The following GPC5 variants were observed in gnomAD, a reference collection of about 807,000 sequenced individuals.
GPC5 encodes the protein glypican-5.
Under a neutral mutation model 53.9 loss-of-function variants are expected in GPC5, and 47 were observed. The ratio of observed to expected loss-of-function variants is 0.87; its 90% CI spans 0.69 to 1.11. GPC5 has a LOEUF of 1.11. GPC5 is among the 50% of genes most tolerant of loss of function. The pLI, the probability that GPC5 is intolerant of heterozygous loss-of-function variation, is 0.00. For synonymous variants in GPC5, 286 were observed against 263.3 expected, an observed-to-expected ratio of 1.09 and a Z score of -0.84; for missense variants, 748 against 713.1, an observed-to-expected ratio of 1.05 and a Z score of -0.56.
At chr13:92,671,631 C>A (rs1243276408) in intron 7 of GPC5, among the ~76,000 whole-genome samples, 2 of 152,038 alleles carry the variant, frequency 1.3e-5, no homozygotes, top group Admixed American at 6.6e-5. Context: ...CTTAAATGGG[C>A]AGAATTCAGA....
chr13:92,385,758 T>TATATACATATACGTATATATATAC (rs1344582956), intron 7 of GPC5, among the ~76,000 whole-genome samples: 4 of 95,152 alleles, frequency 4.2e-5, no homozygotes, highest in African/African-American at 1.7e-4. Flanking sequence ...TACACGTGTA[T>TATATACATATACGTATATATATAC]ATATATACGT....
At chr13:91,677,022 T>C (rs1460845084) in intron 2 of GPC5, among the ~76,000 whole-genome samples, 3 of 152,138 alleles carry the variant, frequency 2.0e-5, no homozygotes, top group African/African-American at 7.2e-5. Context: ...TACATTCAAA[T>C]TGAAAATAGA....
chr13:92,619,783 G>T (rs549194007), intron 7 of GPC5, among the ~76,000 whole-genome samples: 4 of 151,936 alleles, frequency 2.6e-5, no homozygotes, highest in Non-Finnish European at 5.9e-5. Context: ...AAAACAACAA[G>T]AATTTTTTTT....
intron 6 of GPC5, among the ~76,000 whole-genome samples, chr13:92,104,075 T>A (rs1448305071): frequency 6.6e-6 from 1 of 152,150 alleles, no homozygotes; most frequent in East Asian, 1.9e-4. Context: ...TTGAGAGAGC[T>A]ATAAATCAGG....
chr13:91,708,284 G>A (rs565290399), intron 3 of GPC5, among the ~76,000 whole-genome samples: 1 of 149,296 alleles, frequency 6.7e-6, no homozygotes, highest in African/African-American at 2.5e-5. Flanking sequence ...TTTTTTTTTT[G>A]TTTTTCCCCT....
intron 2 of GPC5, among the ~76,000 whole-genome samples, chr13:91,507,405 G>A (rs1449072316): frequency 6.6e-6 from 1 of 152,104 alleles, no homozygotes; most frequent in Non-Finnish European, 1.5e-5. Flanking sequence ...CACATGGCTG[G>A]GGAGGCCTAA....
At chr13:91,490,022 C>T (rs1430681380) in intron 2 of GPC5, among the ~76,000 whole-genome samples, 1 of 152,056 alleles carries the variant, frequency 6.6e-6, no homozygotes, top group South Asian at 2.1e-4. Context: ...TTTTGTATAC[C>T]CACTTGTTCT....
intron 7 of GPC5, among the ~76,000 whole-genome samples, chr13:92,147,969 T>A (rs4773668): frequency 2.6e-5 from 4 of 151,802 alleles, no homozygotes; most frequent in Admixed American, 2.6e-4. Context: ...ATGGTCTTAA[T>A]GACTTCAAAA....
Position 92,317,063 on chromosome 13 carries a change from A to C in GPC5, c.1561+172074A>C, listed in dbSNP as rs377235382. On this transcript the variant is annotated intron_variant, in intron 7 of 7. Transcript: ENST00000377067. ...CATACTACAAGCAATTATATTCATA[A>C]ATTCTCATATTTCTAAATGTTAGAT... 6.7e-4 allele frequency among the ~76,000 whole-genome samples: 102 copies of C among 152,304 alleles called. 4 individuals are homozygous for C. In the South Asian group the frequency reaches 0.021, roughly 31 times the overall value.
chr13:92,643,368 C>G (rs1441755989), intron 7 of GPC5, among the ~76,000 whole-genome samples: 1 of 151,930 alleles, frequency 6.6e-6, no homozygotes, highest in Non-Finnish European at 1.5e-5. Context: ...CCAGCCATCC[C>G]ATTACTGGGT....
At chr13:91,695,050 G>T (rs1279200788) in intron 3 of GPC5, among the ~76,000 whole-genome samples, 3 of 152,056 alleles carry the variant, frequency 2.0e-5, no homozygotes, top group East Asian at 1.9e-4. Flanking sequence ...AGCCTTTATG[G>T]TTCCTTTCTG....
chr13:92,309,270 G>GCCC lies in GPC5; in HGVS notation c.1561+164281_1561+164282insCCC, dbSNP rs558909511. 2.5e-4 allele frequency among the ~76,000 whole-genome samples: 38 copies of GCCC among 152,130 alleles called. No individual in the cohort carries two copies. The South Asian group carries it at 6.0e-3, about 24-fold the overall frequency. On this transcript the variant is annotated intron_variant, in intron 7 of 7. Coordinates refer to ENST00000377067, the MANE Select transcript of GPC5 (RefSeq NM_004466.6). Reference sequence around the variant, plus strand: ...AAATACACATAGTTCCTTCACTAGGGATCTGGCACAGGATTAATAACTCAG... The same window carrying GCCC: ...AAATACACATAGTTCCTTCACTAGGGCCCATCTGGCACAGGATTAATAACTCAG...
chr13:91,811,980 T>C (rs1042876643), intron 5 of GPC5, among the ~76,000 whole-genome samples: 1 of 152,174 alleles, frequency 6.6e-6, no homozygotes, highest in Non-Finnish European at 1.5e-5. Context: ...GTTAGACCCA[T>C]GCTCTGAAAC....
chr13:91,899,131 G>A lies in GPC5; in HGVS notation c.1281-8806G>A, dbSNP rs182836023. On this transcript the variant is annotated intron_variant, in intron 5 of 7. Coordinates refer to ENST00000377067, the MANE Select transcript of GPC5 (RefSeq NM_004466.6). ...TAAACTAGCCCTTCATTGCTTTTGG[G>A]AAACTTTTAGATTCAGAGCAGGTGG... is the stretch of plus-strand genomic sequence containing the variant. Among the ~76,000 whole-genome samples, 785 of 152,224 alleles carry A rather than the reference G, an allele frequency of 5.2e-3. 3 individuals are homozygous for A. The highest frequency in any genetic ancestry group is 8.9e-3 in the Non-Finnish European group (603 of 68,014).
intron 5 of GPC5, among the ~76,000 whole-genome samples, chr13:91,844,882 T>A (rs2038830875): frequency 6.6e-6 from 1 of 152,108 alleles, no homozygotes; most frequent in African/African-American, 2.4e-5. Flanking sequence ...CCCGCCACCA[T>A]GCCCAGCTAA....
At chr13:92,266,125 A>G (rs2042800976) in intron 7 of GPC5, among the ~76,000 whole-genome samples, 1 of 152,100 alleles carries the variant, frequency 6.6e-6, no homozygotes. Flanking sequence ...TACATTGGGG[A>G]TTAAGTTTCC....
At chr13:91,986,383 A>C (rs1255818692) in intron 6 of GPC5, among the ~76,000 whole-genome samples, 1 of 152,090 alleles carries the variant, frequency 6.6e-6, no homozygotes, top group Non-Finnish European at 1.5e-5. Context: ...ATTCTTTATT[A>C]TTTTCTACTT....
At chr13:92,763,545 C>G (rs1457583248) in intron 7 of GPC5, among the ~76,000 whole-genome samples, 4 of 152,166 alleles carry the variant, frequency 2.6e-5, no homozygotes, top group Non-Finnish European at 4.4e-5. Context: ...AGGTCTGACA[C>G]AGCCCACAAG....
intron 7 of GPC5, among the ~76,000 whole-genome samples, chr13:92,613,420 TG>T (rs369523648): frequency 1.2e-4 from 6 of 50,348 alleles, no homozygotes; most frequent in African/African-American, 2.3e-4. Context: ...TATATAAATA[TG>T]ATATATATTT....
Sources: allele counts gnomAD v4.1 joint callset (sites outside exome capture counted in the v4.1 genomes callset), GRCh38; gene constraint gnomAD v4.1.1; transcripts MANE v1.5; gene names NCBI Gene and HGNC (gene_info 2026-07-23, HGNC 2026-07-21).